Variants in PCDH15 observed in about 807,000 individuals in gnomAD.
PCDH15 encodes the protein protocadherin related 15, also known as protocadherin-15.
In PCDH15, 129 loss-of-function variants were observed where a neutral mutation model predicts 178.5. The observed-to-expected ratio is 0.72, with a 90% CI of 0.63 to 0.84. The LOEUF is 0.84. Among genes scored for constraint, PCDH15 ranks in the 40% least tolerant of loss-of-function variants. The pLI is 0.00. For missense variants in PCDH15, 2,230 were observed against 2,099.9 expected (o/e 1.06, Z -1.21); for synonymous variants, 800 against 732.0 (o/e 1.09, Z -1.50).
At chr10:55,417,567 T>G (rs556996293) in intron 2 of PCDH15, among the ~76,000 whole-genome samples, 1 of 151,652 alleles carries the variant, frequency 6.6e-6, no homozygotes, top group East Asian at 1.9e-4. Context: ...GCAGCCATAG[T>G]AGGGGATAGA....
At chr10:54,100,709 G>A (rs549496019) in intron 15 of PCDH15, among the ~76,000 whole-genome samples, 3 of 152,118 alleles carry the variant, frequency 2.0e-5, no homozygotes, top group African/African-American at 7.2e-5. Context: ...TTCTTAAAGA[G>A]ACTACAACTC....
At chr10:55,451,464 C>T (rs1209224103) in intron 2 of PCDH15, among the ~76,000 whole-genome samples, 3 of 151,152 alleles carry the variant, frequency 2.0e-5, no homozygotes, top group Admixed American at 6.6e-5. Context: ...CACCACTGCA[C>T]TCCAGCCTGG....
chr10:55,257,558 G>A (rs1842032033), intron 1 of PCDH15, among the ~76,000 whole-genome samples: 1 of 152,280 alleles, frequency 6.6e-6, no homozygotes, highest in Admixed American at 6.5e-5. Context: ...ACTACGGCAC[G>A]AGAACTACCT....
intron 13 of PCDH15, among the ~76,000 whole-genome samples, chr10:54,171,074 G>A (rs2046857194): frequency 6.6e-6 from 1 of 152,052 alleles, no homozygotes; most frequent in Non-Finnish European, 1.5e-5. Context: ...TTCCTACAGG[G>A]TCTGAGAAGG....
intron 2 of PCDH15, among the ~76,000 whole-genome samples, chr10:55,101,519 T>C (rs1779259): frequency 6.6e-6 from 1 of 151,970 alleles, no homozygotes; most frequent in African/African-American, 2.4e-5. Context: ...AAATCTAATG[T>C]ACATTCTGGA....
intron 3 of PCDH15, among the ~76,000 whole-genome samples, chr10:54,850,506 C>A (rs1953599417): frequency 6.6e-6 from 1 of 152,088 alleles, no homozygotes; most frequent in African/African-American, 2.4e-5. Flanking sequence ...ATCCTTATAG[C>A]TTAGCTCCTA....
At chr10:55,092,715 C>T (rs1842346518) in intron 2 of PCDH15, among the ~76,000 whole-genome samples, 1 of 151,908 alleles carries the variant, frequency 6.6e-6, no homozygotes, top group Non-Finnish European at 1.5e-5. Flanking sequence ...AGAAAACATG[C>T]TTATTGCTCT....
intron 2 of PCDH15, among the ~76,000 whole-genome samples, chr10:55,615,516 C>G (rs908568545): frequency 6.6e-6 from 1 of 152,014 alleles, no homozygotes; most frequent in Admixed American, 6.6e-5. Context: ...ATATTGTATA[C>G]GAGCACCCTC....
intron 2 of PCDH15, among the ~76,000 whole-genome samples, chr10:55,527,046 T>C (rs1432146918): frequency 6.6e-6 from 1 of 152,066 alleles, no homozygotes; most frequent in Non-Finnish European, 1.5e-5. Context: ...ATTGGTCTAT[T>C]TGCACTTCAG....
At chr10:54,440,840 A>G (rs1036195882) in intron 3 of PCDH15, among the ~76,000 whole-genome samples, 4 of 151,988 alleles carry the variant, frequency 2.6e-5, no homozygotes, top group African/African-American at 7.2e-5. Flanking sequence ...AAGACAAGAT[A>G]AAACACAAAA....
intron 25 of PCDH15, among the ~76,000 whole-genome samples, chr10:53,935,195 A>C (rs2085461007): frequency 6.6e-6 from 1 of 152,212 alleles, no homozygotes; most frequent in African/African-American, 2.4e-5. Flanking sequence ...AAAATGAGTC[A>C]AGTTATCCAG....
chr10:55,107,746 C>T (rs991432980), intron 2 of PCDH15, among the ~76,000 whole-genome samples: 1 of 152,016 alleles, frequency 6.6e-6, no homozygotes, highest in African/African-American at 2.4e-5. Flanking sequence ...CCCCACCCCC[C>T]TCAGCCTCCA....
At chr10:55,055,495 A>G (rs1841274698) in intron 2 of PCDH15, among the ~76,000 whole-genome samples, 6 of 151,974 alleles carry the variant, frequency 3.9e-5, no homozygotes, top group Admixed American at 3.3e-4. Flanking sequence ...ACAACATAAT[A>G]CTCTTCTTGC....
chr10:54,770,530 A>T (rs546790363), intron 1 of PCDH15, among the ~76,000 whole-genome samples: 1 of 152,206 alleles, frequency 6.6e-6, no homozygotes, highest in East Asian at 1.9e-4. Flanking sequence ...TAGTTCAACG[A>T]TACCTGAAAT....
intron 23 of PCDH15, among the ~76,000 whole-genome samples, chr10:53,955,730 A>G (rs1209848960): frequency 6.6e-6 from 1 of 152,180 alleles, no homozygotes; most frequent in Non-Finnish European, 1.5e-5. Context: ...AAGTTTTTTC[A>G]CTAGGAGCAA....
chr10:54,690,842 G>A (rs774694484), intron 1 of PCDH15, among the ~76,000 whole-genome samples: 41 of 151,922 alleles, frequency 2.7e-4, no homozygotes, highest in Admixed American at 2.0e-4. Flanking sequence ...AGCAAGTACT[G>A]CATTAGGTGC....
chr10:54,533,187 G>A (rs1401904097), intron 2 of PCDH15, among the ~76,000 whole-genome samples: 1 of 151,992 alleles, frequency 6.6e-6, no homozygotes, highest in Non-Finnish European at 1.5e-5. Flanking sequence ...TATGTCATAG[G>A]AACTTGTTTA....
At chr10:55,042,210 T>A (rs770411778) in intron 2 of PCDH15, among the ~76,000 whole-genome samples, 1 of 152,258 alleles carries the variant, frequency 6.6e-6, no homozygotes, top group Non-Finnish European at 1.5e-5. Context: ...GAAGGAAGAA[T>A]AGGCATGCTG....
intron 1 of PCDH15, among the ~76,000 whole-genome samples, chr10:55,307,681 C>T (rs999400394): frequency 1.3e-5 from 2 of 151,782 alleles, no homozygotes; most frequent in African/African-American, 4.8e-5. Context: ...AGATTTGCCA[C>T]ACCTCCTACC....
Sources: gnomAD v4.1 joint callset for allele counts (sites outside exome capture counted in the v4.1 genomes callset) on GRCh38, gnomAD v4.1.1 for gene constraint, MANE v1.5 for transcripts, NCBI Gene and HGNC (gene_info 2026-07-23, HGNC 2026-07-21) for gene names.